Variants in NDST1 observed in about 807,000 individuals in gnomAD.
NDST1 encodes the protein N-deacetylase and N-sulfotransferase 1.
NDST1 carries 35 observed loss-of-function variants against 92.8 expected under a neutral mutation model. The ratio of observed to expected loss-of-function variants is 0.38; its 90% CI spans 0.29 to 0.50. The LOEUF (loss-of-function observed/expected upper bound fraction) is 0.50, where lower values mean the gene tolerates loss of function less well. NDST1 is among the 20% of genes least tolerant of loss of function. The pLI, the probability that NDST1 is intolerant of heterozygous loss-of-function variation, is 0.94. For missense variants in NDST1, 822 were observed against 1,182.7 expected, an observed-to-expected ratio of 0.69 and a Z score of 4.47; for synonymous variants, 493 against 500.3, an observed-to-expected ratio of 0.99 and a Z score of 0.19.
chr5:150,548,778 C>T (rs1755600869), intron 12 of NDST1, among the ~76,000 whole-genome samples: 2 of 152,070 alleles, frequency 1.3e-5, no homozygotes, highest in Non-Finnish European at 2.9e-5. Flanking sequence ...AAGCAGTCCT[C>T]CCTTGGTCTT....
chr5:150,553,674 C>A lies in NDST1; in HGVS notation c.*342C>A, dbSNP rs1453188976. ...GACTGTCCCCTCTCGTCACCCATCA[C>A]TCCCTGCTTCCGCAGGGCGCCCCTC... On this transcript the variant is annotated 3_prime_UTR_variant, in exon 15 of 15. Transcript: ENST00000261797. This position sits in a 1 kb window ranked among gnomAD's most constrained non-coding sequence, Gnocchi z 4.2. 7.2e-6 allele frequency: 3 copies of A among 415,064 alleles called. No homozygotes were observed. Among genetic ancestry groups the A allele is most frequent in the African/African-American group, 6.1e-5 (3 of 49,244 alleles). The allele number at this position is 415,064 out of a possible 1,614,324, so 25.7% of individuals were successfully genotyped here.
chr5:150,524,521 T>G (rs1183571886), intron 2 of NDST1, among the ~76,000 whole-genome samples: 1 of 152,246 alleles, frequency 6.6e-6, no homozygotes, highest in Non-Finnish European at 1.5e-5. Flanking sequence ...ACCTGACCTC[T>G]TTCATTGAGC....
At position 150,548,353 on chromosome 5, in the gene NDST1, A is replaced by G. The variant is rs772484379; in HGVS notation, c.2281A>G (p.Ile761Val). 5 of 1,613,520 alleles carry G rather than the reference A, an allele frequency of 3.1e-6. No homozygotes were observed. In the Admixed American group the frequency reaches 8.3e-5, roughly 27 times the overall value. The change falls in exon 12 of 15, where the codon ATC (isoleucine) becomes GTC (valine). Residue 761 changes from isoleucine to valine, a missense_variant. By Grantham distance (29) the Ile-to-Val change is conservative. Coordinates refer to ENST00000261797, the MANE Select transcript of NDST1 (RefSeq NM_001543.5). ...CLVPGWYATH[I>V]ERWLSAYHAN... ...GGTCCCTGGCTGGTACGCCACCCACATCGAGCGCTGGCTCAGTGCCTATCA... is the reference window on the plus strand; with the variant it reads ...GGTCCCTGGCTGGTACGCCACCCACGTCGAGCGCTGGCTCAGTGCCTATCA...
intron 1 of NDST1, among the ~76,000 whole-genome samples, chr5:150,519,973 C>CG (rs1370878134): frequency 2.0e-5 from 3 of 151,904 alleles, no homozygotes; most frequent in Non-Finnish European, 2.9e-5. Flanking sequence ...AGGTCCAGGG[C>CG]GGGGGAGGCC....
intron 3 of NDST1, among the ~76,000 whole-genome samples, chr5:150,528,824 T>C (rs1207938181): frequency 6.6e-6 from 1 of 152,026 alleles, no homozygotes; most frequent in Non-Finnish European, 1.5e-5. Context: ...AACTTTATTG[T>C]ATTGAAGTAT....
rs1273546496 is a variant in NDST1, at chr5:150,558,096, A to G, written c.*4764A>G. 1 of 152,448 alleles carries G rather than the reference A, an allele frequency of 6.6e-6. No individual in the cohort carries two copies. The highest frequency in any genetic ancestry group is 2.4e-5 in the African/African-American group (1 of 41,384). 9.4% of individuals were successfully genotyped at this position (152,448 alleles called of 1,614,324 possible). On this transcript the variant is annotated 3_prime_UTR_variant, in exon 15 of 15. Transcript: ENST00000261797. ...AGAGTGGGGAGAGGGGGTGCTATCCAGTTCGCCTGATGAGGGCTCTCGAAC... is the reference window on the plus strand; with the variant it reads ...AGAGTGGGGAGAGGGGGTGCTATCCGGTTCGCCTGATGAGGGCTCTCGAAC...
intron 12 of NDST1, 95 bp downstream of exon 12, chr5:150,548,483 A>G: frequency 7.4e-7 from 1 of 1,360,058 alleles, no homozygotes. Flanking sequence ...AGCCGTGGGG[A>G]CAGATATGCC....
At chr5:150,522,465 G>A (rs1456647413) in intron 2 of NDST1, among the ~76,000 whole-genome samples, 2 of 152,000 alleles carry the variant, frequency 1.3e-5, no homozygotes, top group South Asian at 2.1e-4. Flanking sequence ...ATGGTGGGCG[G>A]GGGATCCAGA....
At chr5:150,536,029 C>G in intron 6 of NDST1, 144 bp downstream of exon 6, 1 of 969,512 alleles carries the variant, frequency 1.0e-6, no homozygotes, top group Non-Finnish European at 1.6e-6. Flanking sequence ...CTCTGGCACC[C>G]GAGGCTCTCT....
chr5:150,534,168 CT>C (rs1754878395), intron 4 of NDST1, among the ~76,000 whole-genome samples: 1 of 151,748 alleles, frequency 6.6e-6, no homozygotes, highest in East Asian at 2.0e-4. Context: ...GCAATCACAG[CT>C]TACTGCAGCC....
At chr5:150,538,413 G>A (rs1755089815) in intron 6 of NDST1, among the ~76,000 whole-genome samples, 1 of 152,226 alleles carries the variant, frequency 6.6e-6, no homozygotes, top group Admixed American at 6.5e-5. Flanking sequence ...GCAGCAGGGA[G>A]ACCAGTTAGG....
chr5:150,509,128 A>G lies in NDST1; in HGVS notation c.-388+902A>G, dbSNP rs924879100. Among the ~76,000 whole-genome samples the G allele has an allele frequency of 7.9e-5, 12 of 152,176 alleles. No individual in the cohort carries two copies. The East Asian group carries it at 1.7e-3, about 22-fold the overall frequency. On this transcript the variant is annotated intron_variant, in intron 1 of 14. Transcript: ENST00000261797. Reference sequence around the variant, plus strand: ...AGGCTGTTGTGGTTTCCAGGCCCGCATGGATTTTGGCTTCTGCATCCTTGA... The same window carrying G: ...AGGCTGTTGTGGTTTCCAGGCCCGCGTGGATTTTGGCTTCTGCATCCTTGA...
At chr5:150,510,716 T>C (rs1005098384) in intron 1 of NDST1, among the ~76,000 whole-genome samples, 1 of 152,262 alleles carries the variant, frequency 6.6e-6, no homozygotes, top group African/African-American at 2.4e-5. Context: ...GGGCCTTCCC[T>C]GCCAGGGAAC....
At chr5:150,498,589 G>A (rs1753096148) in intron 1 of NDST1, among the ~76,000 whole-genome samples, 1 of 152,182 alleles carries the variant, frequency 6.6e-6, no homozygotes, top group African/African-American at 2.4e-5. Context: ...GCCCTCCCTG[G>A]CTTTGTCCTG....
Position 150,528,140 on chromosome 5 carries a change from A to C in NDST1, c.850A>C (p.Asn284His). 1 of 1,614,222 alleles carries C rather than the reference A, an allele frequency of 6.2e-7. No homozygotes were observed. The highest frequency in any genetic ancestry group is 1.1e-5 in the South Asian group (1 of 91,084). ...DGIQRVLFGNNLNFWLHKLVF... is the reference protein window; with the variant it reads ...DGIQRVLFGNHLNFWLHKLVF... The stretch of plus-strand genomic sequence containing the variant: ...CATCCAGCGCGTGCTGTTTGGCAAC[A>C]ACCTGAACTTCTGGCTGCACAAGCT... Residue 284 changes from asparagine (N) to histidine (H), a missense_variant, in exon 3 of 15, where the codon AAC becomes CAC. By Grantham distance (68) the Asn-to-His change is moderately conservative (BLOSUM62 1). Coordinates refer to ENST00000261797, the MANE Select transcript of NDST1 (RefSeq NM_001543.5).
At chr5:150,507,810 G>C (rs370564175), upstream of NDST1, 3 of 152,378 alleles carry the variant, frequency 2.0e-5, no homozygotes, top group African/African-American at 7.2e-5. Context: ...CTCTTGAGAG[G>C]GTCAGAAGAC....
chr5:150,517,269 C>T lies in NDST1; in HGVS notation c.-387-3599C>T, dbSNP rs550624499. Among the ~76,000 whole-genome samples, 6 of 151,206 alleles carry T rather than the reference C, an allele frequency of 4.0e-5. No individual in the cohort carries two copies. In the South Asian group the frequency reaches 1.3e-3, roughly 32 times the overall value. On this transcript the variant is annotated intron_variant, in intron 1 of 14. Transcript: ENST00000261797. ...GGGCCCAAGTGATCCTCCTGAGTAG[C>T]TGGGTCTACAGGCACATGCCCTGAC...
Position 150,553,719 on chromosome 5 carries a change from C to G in NDST1, c.*387C>G. ...CCCCTCAGTATTCGCTGCCATATGTCCCTGTCCTCCAGGCTGTAGGGGAGG... is the reference window on the plus strand; with the variant it reads ...CCCCTCAGTATTCGCTGCCATATGTGCCTGTCCTCCAGGCTGTAGGGGAGG... On this transcript the variant is annotated 3_prime_UTR_variant, in exon 15 of 15. Transcript: ENST00000261797. This position sits in a 1 kb window ranked among gnomAD's most constrained non-coding sequence, Gnocchi z 4.2. The G allele has an allele frequency of 7.2e-6, 3 of 417,100 alleles. No individual in the cohort carries two copies. Among genetic ancestry groups the G allele is most frequent in the South Asian group, 6.6e-5 (3 of 45,702 alleles). The allele number at this position is 417,100 out of a possible 1,614,324, so 25.8% of individuals were successfully genotyped here.
In NDST1 at chr5:150,521,530, C is replaced by T. The variant is rs907070637; in HGVS notation, c.276C>T (p.Leu92=). The T allele has an allele frequency of 1.2e-5, 20 of 1,614,036 alleles. No individual in the cohort carries two copies. The highest frequency in any genetic ancestry group is 1.1e-4 in the African/African-American group (8 of 75,050). The change falls in exon 2 of 15, where the codon CTC becomes CTT. Residue 92 remains leucine, a synonymous_variant. Coordinates refer to ENST00000261797, the MANE Select transcript of NDST1 (RefSeq NM_001543.5). The surrounding 1 kb of genome is among the most constrained non-coding windows in gnomAD (Gnocchi z 5.9). ...DPLVLVFVES[L]YSQLGQEVVA... Reference sequence around the variant, plus strand: ...TGGTGCTGGTCTTTGTGGAGAGCCTCTACTCGCAACTGGGCCAGGAGGTGG... The same window carrying T: ...TGGTGCTGGTCTTTGTGGAGAGCCTTTACTCGCAACTGGGCCAGGAGGTGG...
Sources: gnomAD v4.1 joint callset for allele counts (sites outside exome capture counted in the v4.1 genomes callset) on GRCh38, gnomAD v4.1.1 for gene constraint, Gnocchi (gnomAD v3.1) non-coding constraint, MANE v1.5 for transcripts, NCBI Gene and HGNC (gene_info 2026-07-23, HGNC 2026-07-21) for gene names.